The following PRPF6 variants were observed in gnomAD, a reference collection of about 807,000 sequenced individuals.
The protein encoded by PRPF6 is pre-mRNA-processing factor 6.
A neutral mutation model predicts 118.3 loss-of-function variants in PRPF6; 42 were observed. The observed-to-expected ratio is 0.35, with a 90% confidence interval of 0.28 to 0.46. The LOEUF (loss-of-function observed/expected upper bound fraction) is 0.46, where lower values mean the gene tolerates loss of function less well. PRPF6 is among the 20% of genes least tolerant of loss of function. The pLI is 1.00. For synonymous variants in PRPF6, 481 were observed against 485.1 expected (o/e 0.99, Z 0.11); for missense variants, 662 against 1,255.7 (o/e 0.53, Z 7.15).
intron 9 of PRPF6, among the ~76,000 whole-genome samples, chr20:64,001,686 A>G (rs2059167042): frequency 6.6e-6 from 1 of 152,160 alleles, no homozygotes; most frequent in Admixed American, 6.5e-5. Flanking sequence ...ACGTTGATTG[A>G]ACTCTTTCCT....
chr20:64,006,893 G>A (rs1202822751), intron 9 of PRPF6, among the ~76,000 whole-genome samples: 1 of 152,202 alleles, frequency 6.6e-6, no homozygotes, highest in Non-Finnish European at 1.5e-5. Context: ...ATATAGCTTC[G>A]TCTTCTGGCC....
At chr20:63,994,849 A>T (rs1297359187) in intron 4 of PRPF6, 67 bp from the exon 5 acceptor site, 1 of 1,603,084 alleles carries the variant, frequency 6.2e-7, no homozygotes, top group African/African-American at 1.3e-5. Context: ...GAGAGAGGGC[A>T]TGGTCCTACC....
rs1422175828 is a variant in PRPF6 at position 63,995,054 on chromosome 20, A to T, written c.577A>T (p.Thr193Ser). Residue 193 changes from threonine (T) to serine (S), a missense_variant, in exon 5 of 21, where the codon ACC (threonine) becomes TCC (serine). Physicochemically the swap from Thr to Ser is moderately conservative, Grantham distance 58 (BLOSUM62 1). This residue lies in a region of PRPF6 where 97 missense variants were observed against 122.6 expected (regional missense o/e 0.79). Transcript: ENST00000266079. ...PDSFFAKHLQ[T>S]GENHTSVDPR... The stretch of plus-strand genomic sequence containing the variant: ...CAGTTTCTTTGCCAAACATTTACAG[A>T]CCGGAGAGAACCATACCTCAGTGGA... The T allele has an allele frequency of 6.2e-7, 1 of 1,614,138 alleles. No homozygotes were observed. The highest frequency in any genetic ancestry group is 1.1e-5 in the South Asian group (1 of 91,080).
rs768434684 is a variant in PRPF6, at chr20:64,016,845, T to C, written c.1647T>C (p.Ser549=). ...ATACCTGGATGGAGGATGCTGACAG[T>C]GTGAGTTGGCAACAGGGGCCTTTGT... The part of the protein sequence containing the change: ...RKHTWMEDAD[S]CVAHNALECA... The change falls in exon 12 of 21, where the codon AGT becomes AGC. Residue 549 remains serine (S), a splice_region_variant and synonymous_variant. Transcript: ENST00000266079. 6.2e-7 allele frequency: 1 copy of C among 1,614,012 alleles called. No homozygotes were observed.
At chr20:64,013,028 G>A (rs1239811801) in intron 11 of PRPF6, among the ~76,000 whole-genome samples, 1 of 148,858 alleles carries the variant, frequency 6.7e-6, no homozygotes, top group Non-Finnish European at 1.5e-5. Flanking sequence ...GCAGTGGCAC[G>A]ATCTTGGCTT....
intron 1 of PRPF6, 24 bp from the exon 2 acceptor site, chr20:63,983,023 C>A (rs770259432): frequency 2.5e-6 from 4 of 1,612,454 alleles, no homozygotes; most frequent in Middle Eastern, 1.7e-4. Flanking sequence ...TTCAGACACC[C>A]GGTGTCTTGG....
intron 3 of PRPF6, among the ~76,000 whole-genome samples, chr20:63,986,260 G>A (rs374118840): frequency 1.1e-4 from 17 of 149,026 alleles, no homozygotes; most frequent in African/African-American, 4.2e-4. Context: ...CAAGAGAATC[G>A]CTTGAACTCG....
At chr20:64,022,465 G>A (rs1313160383) in intron 12 of PRPF6, among the ~76,000 whole-genome samples, 2 of 152,134 alleles carry the variant, frequency 1.3e-5, no homozygotes, top group African/African-American at 2.4e-5. Flanking sequence ...ATGCCACCAC[G>A]TCTGGTTAAT....
In PRPF6 at chr20:64,031,940, A is replaced by G; in HGVS notation, c.2569A>G (p.Ile857Val). 3 of 1,614,150 alleles carry G rather than the reference A, an allele frequency of 1.9e-6. No individual in the cohort carries two copies. Among genetic ancestry groups the G allele is most frequent in the Non-Finnish European group, 2.5e-6 (3 of 1,180,022 alleles). The change falls in exon 20 of 21, where the codon ATC becomes GTC. Residue 857 changes from isoleucine (I) to valine (V), a missense_variant. Transcript: ENST00000266079. ...VAKLFWSQRKITKAREWFHRT... is the reference protein window; with the variant it reads ...VAKLFWSQRKVTKAREWFHRT... ...CAGGCTGTTTTGGAGTCAGCGGAAG[A>G]TCACCAAGGCCAGGGAGTGGTTCCA... is the stretch of plus-strand genomic sequence containing the variant.
intron 12 of PRPF6, 40 bp from the exon 13 acceptor site, chr20:64,022,717 A>G (rs2059271973): frequency 6.2e-7 from 1 of 1,613,582 alleles, no homozygotes; most frequent in African/African-American, 1.3e-5. Context: ...TTCTGTGGCC[A>G]GTGCTGGGCT....
At chr20:63,988,666 T>C (rs1453529773) in intron 3 of PRPF6, among the ~76,000 whole-genome samples, 1 of 151,768 alleles carries the variant, frequency 6.6e-6, no homozygotes, top group Non-Finnish European at 1.5e-5. Context: ...TCACTTGAGG[T>C]CAGCAGTTCG....
intron 6 of PRPF6, among the ~76,000 whole-genome samples, chr20:63,998,454 G>C (rs2059150710): frequency 6.6e-6 from 1 of 151,858 alleles, no homozygotes; most frequent in Admixed American, 6.6e-5. Context: ...AGGATTCCTT[G>C]AGCCCAGGAG....
intron 12 of PRPF6, among the ~76,000 whole-genome samples, chr20:64,021,356 C>T (rs971629534): frequency 6.0e-4 from 63 of 104,424 alleles, no homozygotes; most frequent in Middle Eastern, 9.3e-3. Flanking sequence ...TGTGTGTGTG[C>T]GTGTGCATGT....
chr20:63,984,742 G>C (rs2059086194), intron 2 of PRPF6, among the ~76,000 whole-genome samples, 165 bp from the exon 3 acceptor site: 1 of 152,150 alleles, frequency 6.6e-6, no homozygotes, highest in African/African-American at 2.4e-5. Context: ...TGCCCTTGAC[G>C]CTTGAAGAGT....
At chr20:63,983,537 C>T (rs1310107227) in intron 2 of PRPF6, among the ~76,000 whole-genome samples, 1 of 140,224 alleles carries the variant, frequency 7.1e-6, no homozygotes, top group Non-Finnish European at 1.5e-5. Context: ...AGGACCACTG[C>T]CTTGGCATTT....
Position 64,026,084 on chromosome 20 carries a change from C to T in PRPF6, c.2028+26C>T. 1 of 1,598,992 alleles carries T rather than the reference C, an allele frequency of 6.3e-7. No homozygotes were observed. Among genetic ancestry groups the T allele is most frequent in the Non-Finnish European group, 8.5e-7 (1 of 1,179,434 alleles). ...GTACGCAGTGGCAGGCAGGGCTGGG[C>T]CGTCTGGGGTGCATGGTGTGCACAT... On this transcript the variant is annotated intron_variant, in intron 15 of 20. Transcript: ENST00000266079. The surrounding 1 kb of genome is among the most constrained non-coding windows in gnomAD (Gnocchi z 4.4).
chr20:64,010,460 C>A, intron 10 of PRPF6, 142 bp downstream of exon 10: 1 of 751,642 alleles, frequency 1.3e-6, no homozygotes, highest in Non-Finnish European at 2.3e-6. Context: ...CCTGTGGAAC[C>A]CCAGGATGCC....
chr20:64,026,183 T>A lies in PRPF6; in HGVS notation c.2028+125T>A. On this transcript the variant is annotated intron_variant, in intron 15 of 20. Transcript: ENST00000266079. This position sits in a 1 kb window ranked among gnomAD's most constrained non-coding sequence, Gnocchi z 4.4. ...GGCAAACGAGACCACAGCACACTCA[T>A]CTTTGTGATGTGACTAAAACATTCA... 1 of 1,500,690 alleles carries A rather than the reference T, an allele frequency of 6.7e-7. No individual in the cohort carries two copies. The highest frequency in any genetic ancestry group is 9.0e-7 in the Non-Finnish European group (1 of 1,111,046). The allele number at this position is 1,500,690 out of a possible 1,614,324, so 93.0% of individuals were successfully genotyped here. A position where few individuals can be genotyped will look rare whatever the true frequency, so the allele number is the denominator to read the frequency against.
intron 9 of PRPF6, among the ~76,000 whole-genome samples, chr20:64,005,297 C>G (rs1329390500): frequency 6.6e-6 from 1 of 152,194 alleles, no homozygotes; most frequent in East Asian, 1.9e-4. Flanking sequence ...AAGTTAATGA[C>G]TCCATAAATT....
Sources: allele counts gnomAD v4.1 joint callset (sites outside exome capture counted in the v4.1 genomes callset), GRCh38; gene constraint gnomAD v4.1.1; regional missense constraint gnomAD v4.1.1; non-coding constraint Gnocchi (gnomAD v3.1); transcripts MANE v1.5; gene names NCBI Gene and HGNC (gene_info 2026-07-23, HGNC 2026-07-21).